ANKRD30B: variants seen among roughly 807,000 people sequenced by gnomAD.
The protein encoded by ANKRD30B is ankyrin repeat domain-containing protein 30B.
In ANKRD30B, 144 loss-of-function variants were observed where a neutral mutation model predicts 202.2. The ratio of observed to expected loss-of-function variants is 0.71; its 90% confidence interval spans 0.62 to 0.82. ANKRD30B has a LOEUF of 0.82. Ranked by LOEUF, ANKRD30B falls within the 40% of genes least tolerant of loss-of-function variation. ANKRD30B has a pLI of 0.00. For synonymous variants in ANKRD30B, 508 were observed against 561.3 expected, an observed-to-expected ratio of 0.91 and a Z score of 1.34; for missense variants, 1,487 against 1,669.1, an observed-to-expected ratio of 0.89 and a Z score of 1.90.
Position 14,769,371 on chromosome 18 carries a change from C to T in ANKRD30B, c.1254C>T (p.Phe418=). The part of the protein sequence containing the change: ...NVDVSSVEPI[F]SLFGTRTIEN... ...ATGTGAGTTCTGTAGAGCCTATATT[C>T]AGGTAAGACTTTGCGGTTTTTTAAA... The change falls in exon 8 of 44, where the codon TTC becomes TTT. Residue 418 remains phenylalanine (F), a splice_region_variant and synonymous_variant. Coordinates refer to ENST00000690538, the MANE Select transcript of ANKRD30B (RefSeq NM_001367607.2). 6.5e-7 allele frequency: 1 copy of T among 1,543,818 alleles called. No individual in the cohort carries two copies. Among genetic ancestry groups the T allele is most frequent in the African/African-American group, 1.4e-5 (1 of 72,856 alleles).
chr18:14,805,025 C>A (rs1969419421), intron 24 of ANKRD30B, among the ~76,000 whole-genome samples: 1 of 150,512 alleles, frequency 6.6e-6, no homozygotes, highest in Non-Finnish European at 1.5e-5. Context: ...GACTAAACCT[C>A]AGTGACTCAT....
At chr18:14,907,633 G>A in the ANKRD30B span, among the ~76,000 whole-genome samples, 1 of 152,168 alleles carries the variant, frequency 6.6e-6, no homozygotes, top group African/African-American at 2.4e-5. Flanking sequence ...CCCTTATGTG[G>A]GTCTTGGGAG....
chr18:14,868,759 T>TG, the ANKRD30B span, among the ~76,000 whole-genome samples: 1 of 152,290 alleles, frequency 6.6e-6, no homozygotes, highest in Non-Finnish European at 1.5e-5. Flanking sequence ...TGGTGTCACC[T>TG]GGGGAAAGTG....
rs1461615677 is a variant in ANKRD30B at position 14,851,925 on chromosome 18, T to C, written c.3981T>C (p.Asp1327=). Residue 1327 remains aspartate, a synonymous_variant, in exon 42 of 44, where the codon GAT becomes GAC. Coordinates refer to ENST00000690538, the MANE Select transcript of ANKRD30B (RefSeq NM_001367607.2). ...NQELAFHSAG[D]APLQGIMNVD... The stretch of plus-strand genomic sequence containing the variant: ...AACTTGCTTTCCACAGTGCAGGAGA[T>C]GCTCCTTTGCAAGGAATAATGAATG... 1.2e-6 allele frequency: 2 copies of C among 1,604,836 alleles called. No individual in the cohort carries two copies. The highest frequency in any genetic ancestry group is 2.2e-5 in the East Asian group (1 of 44,464).
intron 20 of ANKRD30B, among the ~76,000 whole-genome samples, chr18:14,798,653 G>A (rs956722127): frequency 8.5e-5 from 13 of 152,116 alleles, no homozygotes; most frequent in African/African-American, 2.4e-4. Context: ...ACCCCCCTCC[G>A]TGCGTCCATT....
At chr18:14,845,379 TG>T (rs1410779851) in intron 39 of ANKRD30B, among the ~76,000 whole-genome samples, 1 of 152,304 alleles carries the variant, frequency 6.6e-6, no homozygotes, top group East Asian at 1.9e-4. Flanking sequence ...TTTCCAGTTT[TG>T]TCAAAGATCA....
intron 3 of ANKRD30B, 69 bp downstream of exon 3, chr18:14,753,081 G>C (rs187185365): frequency 3.2e-4 from 408 of 1,255,512 alleles, no homozygotes; most frequent in Non-Finnish European, 4.1e-4. Flanking sequence ...CATATGTAAG[G>C]CTTTTATATT....
chr18:14,827,993 A>G (rs1478906657), intron 32 of ANKRD30B, among the ~76,000 whole-genome samples: 1 of 152,228 alleles, frequency 6.6e-6, no homozygotes, highest in African/African-American at 2.4e-5. Context: ...GCTTTGTAAC[A>G]AATCATCTGA....
At chr18:14,908,756 G>A in the ANKRD30B span, among the ~76,000 whole-genome samples, 1 of 152,298 alleles carries the variant, frequency 6.6e-6, no homozygotes, top group South Asian at 2.1e-4. Flanking sequence ...AGGGGCCAAT[G>A]CTGGGAGAGA....
intron 32 of ANKRD30B, among the ~76,000 whole-genome samples, chr18:14,827,837 A>C (rs1970728508): frequency 6.6e-6 from 1 of 152,210 alleles, no homozygotes; most frequent in Admixed American, 6.5e-5. Context: ...TCACTTGCAG[A>C]GATCAAATTG....
In ANKRD30B at chr18:14,750,525, C is replaced by T. The variant is rs554603171; in HGVS notation, c.221+1885C>T. ...AGTTGCAGATGAGTTTTCAAATAAA[C>T]AATTTGATGGTAAGTACCATATTTA... On this transcript the variant is annotated intron_variant, in intron 1 of 43. Transcript: ENST00000690538. Among the ~76,000 whole-genome samples, 39 of 152,206 alleles carry T rather than the reference C, an allele frequency of 2.6e-4. No individual in the cohort carries two copies. The Middle Eastern group carries it at 0.014, about 53-fold the overall frequency.
At chr18:14,907,879 T>C in the ANKRD30B span, among the ~76,000 whole-genome samples, 1 of 151,266 alleles carries the variant, frequency 6.6e-6, no homozygotes, top group East Asian at 1.9e-4. Flanking sequence ...CTCTACACTC[T>C]GCACATGGGT....
intron 11 of ANKRD30B, among the ~76,000 whole-genome samples, chr18:14,781,579 A>G (rs1967753299): frequency 6.6e-6 from 1 of 152,262 alleles, no homozygotes; most frequent in East Asian, 1.9e-4. Context: ...ATAATCATGA[A>G]TATTTTCCAT....
chr18:14,860,280 T>A, the ANKRD30B span, among the ~76,000 whole-genome samples: 2 of 106,230 alleles, frequency 1.9e-5, no homozygotes, highest in South Asian at 3.6e-4. Context: ...GGGGTGGCGG[T>A]CAGGCAGAGG....
chr18:14,808,056 C>T lies in ANKRD30B; in HGVS notation c.2285-495C>T, dbSNP rs532708652. Among the ~76,000 whole-genome samples the T allele has an allele frequency of 9.9e-5, 15 of 151,000 alleles. 1 individual carries two copies. Among genetic ancestry groups the T allele is most frequent in the Non-Finnish European group, 1.8e-4 (12 of 67,824 alleles). ...GTAAATTGTACCTTTGAATTCTCATCGGAGCTTTGCAATTCTTAAATTACA... is the reference window on the plus strand; with the variant it reads ...GTAAATTGTACCTTTGAATTCTCATTGGAGCTTTGCAATTCTTAAATTACA... On this transcript the variant is annotated intron_variant, in intron 24 of 43. Transcript: ENST00000690538.
At chr18:14,816,591 G>C (rs1456677306) in intron 30 of ANKRD30B, 1 of 149,080 alleles carries the variant, frequency 6.7e-6, no homozygotes, top group Non-Finnish European at 1.5e-5. Flanking sequence ...ATTGCAGTGA[G>C]CCAAGATCAT....
the ANKRD30B span, among the ~76,000 whole-genome samples, chr18:14,889,606 A>G: frequency 6.6e-6 from 1 of 151,196 alleles, no homozygotes; most frequent in Non-Finnish European, 1.5e-5. Context: ...AAACATTTCA[A>G]GATTTTTTCC....
rs551572069 is a variant in ANKRD30B, at chr18:14,787,750, A to G, written c.1734+650A>G. Among the ~76,000 whole-genome samples, 15 of 152,332 alleles carry G rather than the reference A, an allele frequency of 9.8e-5. No individual in the cohort carries two copies. The East Asian group carries it at 1.7e-3, about 18-fold the overall frequency. On this transcript the variant is annotated intron_variant, in intron 15 of 43. Coordinates refer to ENST00000690538, the MANE Select transcript of ANKRD30B (RefSeq NM_001367607.2). ...GAAGCTGCAGCAGCATGAGCGTGAAATAATAGTGATGTGTTTTAAGGTCAC... is the reference window on the plus strand; with the variant it reads ...GAAGCTGCAGCAGCATGAGCGTGAAGTAATAGTGATGTGTTTTAAGGTCAC...
intron 7 of ANKRD30B, among the ~76,000 whole-genome samples, chr18:14,766,331 G>C (rs1916139482): frequency 6.6e-6 from 1 of 151,664 alleles, no homozygotes; most frequent in Non-Finnish European, 1.5e-5. Context: ...AAATTAGCTG[G>C]GCGTGGTGGT....
Sources: gnomAD v4.1 joint callset for allele counts (sites outside exome capture counted in the v4.1 genomes callset) on GRCh38, gnomAD v4.1.1 for gene constraint, MANE v1.5 for transcripts, NCBI Gene and HGNC (gene_info 2026-07-23, HGNC 2026-07-21) for gene names.